The following COA1 variants were observed in gnomAD, a reference collection of about 807,000 sequenced individuals.
The protein encoded by COA1 is cytochrome c oxidase assembly factor 1.
In COA1, 13 loss-of-function variants were observed where a neutral mutation model predicts 16.0. The observed-to-expected ratio is 0.81, with a 90% CI of 0.53 to 1.29. The LOEUF (loss-of-function observed/expected upper bound fraction) is 1.29. Ranked by LOEUF, COA1 falls within the 50% of genes most tolerant of loss-of-function variation. The pLI, the probability that COA1 is intolerant of heterozygous loss-of-function variation, is 0.00. For synonymous variants in COA1, 65 were observed against 65.7 expected, an observed-to-expected ratio of 0.99 and a Z score of 0.05; for missense variants, 179 against 177.0, an observed-to-expected ratio of 1.01 and a Z score of -0.06.
At position 43,656,533 on chromosome 7, in the gene COA1, T is replaced by G. The variant is rs545445747; in HGVS notation, c.-38-7881A>C. ...CAACATGGTGAAACCCTGTCTCTAC[T>G]AAAAATATAAAAATTGGCTGGGCAT... is the stretch of plus-strand genomic sequence containing the variant. On this transcript the variant is annotated intron_variant, in intron 1 of 5. Transcript: ENST00000223336. Among the ~76,000 whole-genome samples, 3 of 151,996 alleles carry G rather than the reference T, an allele frequency of 2.0e-5. No homozygotes were observed. The East Asian group carries it at 5.9e-4, about 30-fold the overall frequency.
At chr7:43,688,127 TC>T in intron 1 of COA1, among the ~76,000 whole-genome samples, 1 of 152,314 alleles carries the variant, frequency 6.6e-6, no homozygotes, top group South Asian at 2.1e-4. Context: ...GAACTGTAAG[TC>T]CAATTAAACC....
chr7:43,656,059 G>T (rs755211199), intron 1 of COA1: 1 of 152,250 alleles, frequency 6.6e-6, no homozygotes, highest in Non-Finnish European at 1.5e-5. Context: ...TGAATGAGCT[G>T]TCATGGACAT....
intron 1 of COA1, among the ~76,000 whole-genome samples, chr7:43,663,985 G>T (rs1433772163): frequency 1.3e-5 from 2 of 152,070 alleles, no homozygotes; most frequent in East Asian, 3.9e-4. Context: ...AAGCCCAGGA[G>T]TCAGAGGCTG....
chr7:43,725,517 T>C (rs1265334367), intron 1 of COA1, among the ~76,000 whole-genome samples: 1 of 152,212 alleles, frequency 6.6e-6, no homozygotes, highest in African/African-American at 2.4e-5. Flanking sequence ...CTGGAAGCTA[T>C]TGTATATCAC....
chr7:43,700,591 C>CATGTGTGT lies in COA1; in HGVS notation c.-39+28837_-39+28838insACACACAT, dbSNP rs1554550150. On this transcript the variant is annotated intron_variant, in intron 1 of 5. Transcript: ENST00000223336. ...GTACACATATATACGTGTATATATA[C>CATGTGTGT]GTGTGTGTGTGTGTGTGTGTGTGTG... 4.1e-5 allele frequency among the ~76,000 whole-genome samples: 6 copies of CATGTGTGT among 144,868 alleles called. No individual in the cohort carries two copies. The South Asian group carries it at 8.8e-4, about 21-fold the overall frequency.
rs142824298 is a variant in COA1, at chr7:43,714,826, G to C, written c.-39+14603C>G. On this transcript the variant is annotated intron_variant, in intron 1 of 5. Transcript: ENST00000223336. Reference sequence around the variant, plus strand: ...AGTTCGAGACCAGCCTGGCCAACATGGTGAAATCTCGTCTACTAAAACTAC... The same window carrying C: ...AGTTCGAGACCAGCCTGGCCAACATCGTGAAATCTCGTCTACTAAAACTAC... 1.8e-3 allele frequency among the ~76,000 whole-genome samples: 268 copies of C among 151,738 alleles called. 1 individual carries two copies. Among genetic ancestry groups the C allele is most frequent in the African/African-American group, 6.1e-3 (254 of 41,378 alleles).
chr7:43,621,411 T>C (rs1374192896), intron 6 of COA1, among the ~76,000 whole-genome samples: 1 of 152,200 alleles, frequency 6.6e-6, no homozygotes, highest in Non-Finnish European at 1.5e-5. Context: ...AGAATGTAGG[T>C]CTGTGAGCTG....
At chr7:43,691,072 A>AAAAAAAAAAAC (rs1563379693) in intron 1 of COA1, among the ~76,000 whole-genome samples, 17 of 105,418 alleles carry the variant, frequency 1.6e-4, no homozygotes, top group African/African-American at 7.1e-4. Context: ...AAAAAAAAAA[A>AAAAAAAAAAAC]AAAAACAAAA....
intron 1 of COA1, among the ~76,000 whole-genome samples, chr7:43,654,269 G>C (rs1452172522): frequency 6.6e-6 from 1 of 152,168 alleles, no homozygotes; most frequent in Non-Finnish European, 1.5e-5. Flanking sequence ...ACCCCACTCT[G>C]TTTCTATATC....
intron 1 of COA1, among the ~76,000 whole-genome samples, chr7:43,693,271 T>C (rs1039079525): frequency 2.0e-5 from 3 of 152,120 alleles, no homozygotes; most frequent in Non-Finnish European, 2.9e-5. Context: ...ACTGCACCCA[T>C]CCCTAATCCA....
At chr7:43,706,739 G>A (rs1262886276) in intron 1 of COA1, among the ~76,000 whole-genome samples, 3 of 150,388 alleles carry the variant, frequency 2.0e-5, no homozygotes, top group Non-Finnish European at 4.4e-5. Flanking sequence ...GCATGGTGGT[G>A]CATGCCTGAG....
chr7:43,700,543 TATATAC>T (rs1209499413), intron 1 of COA1, among the ~76,000 whole-genome samples: 1 of 150,838 alleles, frequency 6.6e-6, no homozygotes, highest in African/African-American at 2.4e-5. Flanking sequence ...TATATATATA[TATATAC>T]ATACACGTAT....
Position 43,610,074 on chromosome 7 carries a change from C to T in COA1, c.*134-579G>A, listed in dbSNP as rs145654540. Among the ~76,000 whole-genome samples, 732 of 152,264 alleles carry T rather than the reference C, an allele frequency of 4.8e-3. 4 individuals carry two copies. The highest frequency in any genetic ancestry group is 0.017 in the African/African-American group (695 of 41,550). ...ATTGCTATATGGCCAGGGCCGGGCGCGGTGGCTCACGCCTGTAATCCCAGC... is the reference window on the plus strand; with the variant it reads ...ATTGCTATATGGCCAGGGCCGGGCGTGGTGGCTCACGCCTGTAATCCCAGC... On this transcript the variant is annotated intron_variant and NMD_transcript_variant, in intron 6 of 6. Coordinates refer to the COA1 transcript ENST00000415076.
chr7:43,694,989 T>TC (rs61628200), intron 1 of COA1, among the ~76,000 whole-genome samples: 13,003 of 152,248 alleles, frequency 0.085, 655 homozygotes, highest in East Asian at 0.19. Flanking sequence ...TTGTACTTTT[T>TC]CTCTCACACT....
chr7:43,670,464 A>T (rs7810245), intron 1 of COA1, among the ~76,000 whole-genome samples: 32 of 152,032 alleles, frequency 2.1e-4, no homozygotes, highest in Middle Eastern at 3.4e-3. Context: ...AAAAAAAAAA[A>T]TTTTCATCAT....
downstream of COA1, among the ~76,000 whole-genome samples, chr7:43,637,168 C>T (rs1321210480): frequency 6.6e-6 from 1 of 152,204 alleles, no homozygotes; most frequent in Non-Finnish European, 1.5e-5. Flanking sequence ...CTCTTAGATT[C>T]CCCCTAACTG....
intron 1 of COA1, among the ~76,000 whole-genome samples, chr7:43,721,582 C>G (rs758255121): frequency 7.2e-5 from 11 of 152,020 alleles, no homozygotes; most frequent in Non-Finnish European, 1.6e-4. Context: ...TAACTGCTTC[C>G]CACAATAAAA....
At chr7:43,667,196 A>T (rs6463201) in intron 1 of COA1, among the ~76,000 whole-genome samples, 88,975 of 152,034 alleles carry the variant, frequency 0.59, 26,210 homozygotes, top group South Asian at 0.65. Context: ...TCTATTTCAT[A>T]ACATCAAATG....
intron 3 of COA1, chr7:43,646,644 C>A: frequency 2.2e-6 from 1 of 456,636 alleles, no homozygotes; most frequent in Non-Finnish European, 4.4e-6. Context: ...ACCCATCCCT[C>A]TCATGTCCTG....
Sources: allele counts gnomAD v4.1 joint callset (sites outside exome capture counted in the v4.1 genomes callset), GRCh38; gene constraint gnomAD v4.1.1; transcripts MANE v1.5; gene names NCBI Gene and HGNC (gene_info 2026-07-23, HGNC 2026-07-21).